The following HEATR1 variants were observed in gnomAD, a reference collection of about 807,000 sequenced individuals.
HEATR1 encodes the protein HEAT repeat-containing protein 1.
A neutral mutation model predicts 248.2 loss-of-function variants in HEATR1; 77 were observed. The ratio of observed to expected loss-of-function variants is 0.31; its 90% CI spans 0.26 to 0.37. The LOEUF (loss-of-function observed/expected upper bound fraction) is 0.37, where lower values mean the gene tolerates loss of function less well. HEATR1 is among the 10% of genes least tolerant of loss of function. The pLI is 1.00. For synonymous variants in HEATR1, 897 were observed against 923.1 expected (o/e 0.97, Z 0.51); for missense variants, 2,420 against 2,504.9 (o/e 0.97, Z 0.72).
chr1:236,572,815 G>A lies in HEATR1; in HGVS notation c.3473C>T (p.Ala1158Val), dbSNP rs771230939. ...SSVFKGISVN[A>V]EQVRIELEPP... ...CTCCAGTTCTATTCGGACTTGTTCAGCATTAACGGAAATCTGAAATATTGA... is the reference window on the plus strand; with the variant it reads ...CTCCAGTTCTATTCGGACTTGTTCAACATTAACGGAAATCTGAAATATTGA... The change falls in exon 25 of 45, where the codon GCT (alanine) becomes GTT (valine). Residue 1158 changes from alanine to valine, a missense_variant. Physicochemically the swap from Ala to Val is moderately conservative, Grantham distance 64. Transcript: ENST00000366582. 6.2e-6 allele frequency: 10 copies of A among 1,613,666 alleles called. No individual in the cohort carries two copies. In the South Asian group the frequency reaches 8.8e-5, roughly 14 times the overall value.
At chr1:236,585,313 T>C in intron 16 of HEATR1, 97 bp from the exon 17 acceptor site, 1 of 943,612 alleles carries the variant, frequency 1.1e-6, no homozygotes, top group Non-Finnish European at 1.6e-6. Flanking sequence ...GTTTTACATT[T>C]AAAGTGAGAT....
intron 4 of HEATR1, among the ~76,000 whole-genome samples, chr1:236,598,374 T>C (rs1664230318): frequency 6.6e-6 from 1 of 152,196 alleles, no homozygotes; most frequent in Non-Finnish European, 1.5e-5. Flanking sequence ...GCACAACTTA[T>C]ACCACTATTC....
intron 21 of HEATR1, 76 bp downstream of exon 21, chr1:236,576,704 A>G: frequency 7.5e-7 from 1 of 1,340,602 alleles, no homozygotes; most frequent in South Asian, 1.5e-5. Flanking sequence ...TACACAGTGA[A>G]ATGTCGAGAA....
intron 24 of HEATR1, among the ~76,000 whole-genome samples, chr1:236,573,695 A>G (rs533687939): frequency 2.0e-4 from 30 of 152,170 alleles, no homozygotes; most frequent in Non-Finnish European, 3.4e-4. Flanking sequence ...TAAAATTCTG[A>G]GAACTGCTGA....
rs755733796 is a variant in HEATR1 at position 236,558,370 on chromosome 1, G to A, written c.5071C>T (p.Pro1691Ser). 2 of 1,614,074 alleles carry A rather than the reference G, an allele frequency of 1.2e-6. No individual in the cohort carries two copies. The highest frequency in any genetic ancestry group is 2.2e-5 in the South Asian group (2 of 91,080). The change falls in exon 36 of 45, where the codon CCA becomes TCA. Residue 1691 changes from proline (P) to serine (S), a missense_variant. Physicochemically the swap from Pro to Ser is moderately conservative, Grantham distance 74. Coordinates refer to ENST00000366582, the MANE Select transcript of HEATR1 (RefSeq NM_018072.6). ...FGAENPDPFV[P>S]VLNTAVKLIA... ...AGTTTCACAGCAGTGTTCAGCACTG[G>A]GACAAAAGGATCTGGATTTTCTGCA...
In HEATR1 at chr1:236,602,672, C is replaced by G. The variant is rs575879808; in HGVS notation, c.359+488G>C. Among the ~76,000 whole-genome samples, 3 of 152,172 alleles carry G rather than the reference C, an allele frequency of 2.0e-5. No homozygotes were observed. In the South Asian group the frequency reaches 6.2e-4, roughly 32 times the overall value. On this transcript the variant is annotated intron_variant, in intron 3 of 44. Coordinates refer to ENST00000366582, the MANE Select transcript of HEATR1 (RefSeq NM_018072.6). ...GGGCGAGGTGGCTCACACCTGTAAT[C>G]CCAGTATTTTGGGAGGCCGAGGCGG...
At chr1:236,602,566 A>G (rs1195532815) in intron 3 of HEATR1, among the ~76,000 whole-genome samples, 3 of 152,234 alleles carry the variant, frequency 2.0e-5, no homozygotes, top group Admixed American at 2.0e-4. Context: ...AAAGCAGCTT[A>G]GTACTCACTG....
chr1:236,581,291 C>T lies in HEATR1; in HGVS notation c.2686G>A (p.Val896Met). ...TGAGAAGAAAGCATTGCACAGCCCACATAAAGAGCTTGAGTCTGCAGCACT... is the reference window on the plus strand; with the variant it reads ...TGAGAAGAAAGCATTGCACAGCCCATATAAAGAGCTTGAGTCTGCAGCACT... ...KTVLQTQALY[V>M]GCAMLSSQKT... Residue 896 changes from valine to methionine, a missense_variant, in exon 20 of 45, where the codon GTG becomes ATG. Physicochemically the swap from Val to Met is conservative, Grantham distance 21. Transcript: ENST00000366582. 1 of 1,613,830 alleles carries T rather than the reference C, an allele frequency of 6.2e-7. No homozygotes were observed.
Position 236,549,876 on chromosome 1 carries a change from C to T in HEATR1, c.*1026G>A, listed in dbSNP as rs1407916318. 2 of 152,168 alleles carry T rather than the reference C, an allele frequency of 1.3e-5. No homozygotes were observed. Among genetic ancestry groups the T allele is most frequent in the African/African-American group, 4.8e-5 (2 of 41,430 alleles). 9.4% of individuals were successfully genotyped at this position (152,168 alleles called of 1,614,324 possible). A position where few individuals can be genotyped will look rare whatever the true frequency, so the allele number is the denominator to read the frequency against. The stretch of plus-strand genomic sequence containing the variant: ...ATTAATGAATTTTACTGAGACATTT[C>T]TTAGAAATATGCACTTCTATACTAG... On this transcript the variant is annotated 3_prime_UTR_variant, in exon 45 of 45. Coordinates refer to ENST00000366582, the MANE Select transcript of HEATR1 (RefSeq NM_018072.6).
At chr1:236,593,288 T>C (rs1440615508) in intron 9 of HEATR1, among the ~76,000 whole-genome samples, 1 of 151,628 alleles carries the variant, frequency 6.6e-6, no homozygotes, top group African/African-American at 2.4e-5. Flanking sequence ...TAAGCCCTTC[T>C]GTGCCACAGA....
At chr1:236,596,114 G>T in intron 6 of HEATR1, 70 bp from the exon 7 acceptor site, 2 of 1,125,972 alleles carry the variant, frequency 1.8e-6, no homozygotes, top group Non-Finnish European at 2.6e-6. Flanking sequence ...ATGTTAATCT[G>T]ACAAATTAGA....
intron 28 of HEATR1, among the ~76,000 whole-genome samples, chr1:236,570,911 G>A (rs1324771679): frequency 1.3e-5 from 2 of 152,128 alleles, no homozygotes; most frequent in Non-Finnish European, 2.9e-5. Flanking sequence ...TTTCATAAAA[G>A]GGACATGATT....
chr1:236,555,286 G>A lies in HEATR1; in HGVS notation c.5923+10C>T, dbSNP rs751784263. 1.9e-6 allele frequency: 3 copies of A among 1,613,294 alleles called. No homozygotes were observed. The highest frequency in any genetic ancestry group is 1.7e-5 in the Admixed American group (1 of 59,972). ...GCAAGGGTGACAGCTGAACTGAAGC[G>A]ACCACCCACCTGTTTTGGAGATGTT... On this transcript the variant is annotated intron_variant, in intron 41 of 44. Coordinates refer to ENST00000366582, the MANE Select transcript of HEATR1 (RefSeq NM_018072.6).
intron 42 of HEATR1, 118 bp downstream of exon 42, chr1:236,554,480 G>GA (rs1662883929): frequency 2.2e-5 from 20 of 916,816 alleles, no homozygotes; most frequent in Non-Finnish European, 3.4e-5. Context: ...AAAAAGACCA[G>GA]AAAAAACAAC....
chr1:236,571,727 G>A (rs765670023), intron 26 of HEATR1, 41 bp from the exon 27 acceptor site: 6 of 1,423,006 alleles, frequency 4.2e-6, no homozygotes, highest in South Asian at 3.5e-5. Context: ...AAATGTAAAA[G>A]TTGTACAATT....
chr1:236,562,070 G>A (rs1221330153), intron 32 of HEATR1, among the ~76,000 whole-genome samples: 4 of 152,270 alleles, frequency 2.6e-5, no homozygotes, highest in Admixed American at 1.3e-4. Flanking sequence ...CTGCCACTAC[G>A]TACCCAATCC....
intron 33 of HEATR1, 21 bp downstream of exon 33, chr1:236,561,204 G>A (rs1077439): frequency 0.7 from 1,091,295 of 1,560,716 alleles, 386,120 homozygotes; most frequent in Non-Finnish European, 0.73. Context: ...ATAAAAAGTA[G>A]AAAAAGAAAA....
intron 31 of HEATR1, among the ~76,000 whole-genome samples, chr1:236,565,624 CTAA>C (rs138997119): frequency 0.03 from 4,621 of 152,256 alleles, 72 homozygotes; most frequent in Middle Eastern, 0.054. Flanking sequence ...TGAGAGACAG[CTAA>C]TGAGGTCCTG....
intron 17 of HEATR1, among the ~76,000 whole-genome samples, chr1:236,583,484 C>CTT (rs373107503): frequency 1.7e-5 from 2 of 115,246 alleles, no homozygotes; most frequent in African/African-American, 3.2e-5. Flanking sequence ...AGGCATATTT[C>CTT]TTTTTTTTTT....
Sources: gnomAD v4.1 joint callset for allele counts (sites outside exome capture counted in the v4.1 genomes callset) on GRCh38, gnomAD v4.1.1 for gene constraint, MANE v1.5 for transcripts, NCBI Gene and HGNC (gene_info 2026-07-23, HGNC 2026-07-21) for gene names.